Variants in GPHN observed in about 807,000 individuals in gnomAD.
GPHN encodes the protein gephyrin.
In GPHN, 17 loss-of-function variants were observed where a neutral mutation model predicts 95.5. The observed-to-expected ratio is 0.18, with a 90% CI of 0.12 to 0.27. The LOEUF (loss-of-function observed/expected upper bound fraction) is 0.27, where lower values mean the gene tolerates loss of function less well. GPHN is among the 10% of genes least tolerant of loss of function. The pLI is 1.00. For missense variants in GPHN, 660 were observed against 978.1 expected, an observed-to-expected ratio of 0.67 and a Z score of 4.34; for synonymous variants, 320 against 322.5, an observed-to-expected ratio of 0.99 and a Z score of 0.08.
At chr14:66,580,508 A>G (rs544840373) in intron 1 of GPHN, among the ~76,000 whole-genome samples, 1 of 151,830 alleles carries the variant, frequency 6.6e-6, no homozygotes, top group African/African-American at 2.4e-5. Context: ...AAGAGGAGAC[A>G]TTACATCTTA....
At chr14:66,812,617 A>C (rs1310361196) in intron 3 of GPHN, among the ~76,000 whole-genome samples, 1 of 152,206 alleles carries the variant, frequency 6.6e-6, no homozygotes, top group East Asian at 1.9e-4. Flanking sequence ...GAAATTTAAG[A>C]AGTGAAAAAG....
chr14:66,773,871 C>A (rs1457405821), intron 2 of GPHN, among the ~76,000 whole-genome samples: 1 of 151,940 alleles, frequency 6.6e-6, no homozygotes, highest in Non-Finnish European at 1.5e-5. Context: ...TGAACCTAGC[C>A]CTGAAGTCAG....
chr14:66,825,664 A>G (rs376708047), intron 4 of GPHN, among the ~76,000 whole-genome samples: 1 of 149,930 alleles, frequency 6.7e-6, no homozygotes, highest in Non-Finnish European at 1.5e-5. Context: ...TTTAAGAATT[A>G]TTTTTTTTCT....
chr14:66,779,638 A>G (rs2180921), intron 3 of GPHN, among the ~76,000 whole-genome samples: 1,786 of 152,232 alleles, frequency 0.012, 18 homozygotes, highest in Non-Finnish European at 0.018. Context: ...GTAAATCAGC[A>G]AAGTCTTTCC....
chr14:66,759,788 G>A (rs1203397043), intron 2 of GPHN, among the ~76,000 whole-genome samples: 4 of 152,136 alleles, frequency 2.6e-5, no homozygotes, highest in African/African-American at 9.7e-5. Context: ...TGGTTGTTTT[G>A]TAGTTTCCAT....
the GPHN span, among the ~76,000 whole-genome samples, chr14:67,191,789 A>C: frequency 8.5e-5 from 13 of 152,174 alleles, no homozygotes; most frequent in African/African-American, 2.9e-4. Flanking sequence ...TGGTTTTCCT[A>C]CAGAAGAACT....
chr14:66,684,748 CT>C (rs61669892), intron 2 of GPHN, among the ~76,000 whole-genome samples: 42,185 of 146,296 alleles, frequency 0.29, 9,616 homozygotes, highest in African/African-American at 0.64. Context: ...ACTAACTTTT[CT>C]TTTTTTTTTT....
chr14:67,663,246 G>A, the GPHN span: 1 of 1,213,396 alleles, frequency 8.2e-7, no homozygotes, highest in South Asian at 1.3e-5. Context: ...AACTAAAACA[G>A]TATTGTCTTA....
intron 8 of GPHN, among the ~76,000 whole-genome samples, chr14:66,944,154 T>G (rs112741055): frequency 0.015 from 2,303 of 152,342 alleles, 33 homozygotes; most frequent in Non-Finnish European, 0.018. Context: ...TTTTAAGAAT[T>G]TCCTTTTAAC....
At chr14:67,504,003 A>AT in the GPHN span, among the ~76,000 whole-genome samples, 1 of 114,808 alleles carries the variant, frequency 8.7e-6, no homozygotes, top group African/African-American at 3.4e-5. Flanking sequence ...TGCCCAGCCT[A>AT]TTTTTTAATT....
the GPHN span, among the ~76,000 whole-genome samples, chr14:67,520,367 C>G: frequency 6.6e-6 from 1 of 152,238 alleles, no homozygotes; most frequent in Non-Finnish European, 1.5e-5. Context: ...CCCCTGGCAA[C>G]CACTGTTCTT....
intron 18 of GPHN, among the ~76,000 whole-genome samples, chr14:67,145,373 A>G (rs2080841284): frequency 6.6e-6 from 1 of 152,226 alleles, no homozygotes; most frequent in South Asian, 2.1e-4. Flanking sequence ...CTTCTTTATT[A>G]GTGCTAACAA....
In GPHN at chr14:66,969,100, T is replaced by C. The variant is rs538800985; in HGVS notation, c.963+3775T>C. 3.3e-5 allele frequency: 5 copies of C among 152,280 alleles called. 1 individual carries two copies. In the South Asian group the frequency reaches 1.0e-3, roughly 32 times the overall value. The allele number at this position is 152,280 out of a possible 1,614,324, so 9.4% of individuals were successfully genotyped here. Reference sequence around the variant, plus strand: ...CTTTTCTTAACAATTCTTCATAGATTATATTTTCTCCAGCAAATTTGTTTG... The same window carrying C: ...CTTTTCTTAACAATTCTTCATAGATCATATTTTCTCCAGCAAATTTGTTTG... On this transcript the variant is annotated intron_variant, in intron 9 of 22. Transcript: ENST00000478722.
intron 11 of GPHN, among the ~76,000 whole-genome samples, chr14:67,087,984 A>G (rs1430350982): frequency 1.3e-5 from 2 of 152,064 alleles, no homozygotes; most frequent in African/African-American, 2.4e-5. Context: ...TTTTATTCTT[A>G]TTGGCACTAG....
the GPHN span, among the ~76,000 whole-genome samples, chr14:67,430,877 T>C: frequency 5.3e-5 from 8 of 152,168 alleles, no homozygotes; most frequent in Non-Finnish European, 1.0e-4. Context: ...GACTTTGGTA[T>C]GAGCATAAAG....
the GPHN span, among the ~76,000 whole-genome samples, chr14:67,296,457 C>T: frequency 2.6e-5 from 4 of 151,008 alleles, no homozygotes; most frequent in East Asian, 3.9e-4. Flanking sequence ...AAAAATTAGG[C>T]GGGTGTGGTG....
At chr14:67,044,522 G>A (rs1009759882) in intron 10 of GPHN, among the ~76,000 whole-genome samples, 1 of 152,062 alleles carries the variant, frequency 6.6e-6, no homozygotes, top group African/African-American at 2.4e-5. Flanking sequence ...GTTAGCTGGT[G>A]TTTTCTTCTG....
chr14:67,182,095 G>GA (rs1002272169), downstream of GPHN, among the ~76,000 whole-genome samples: 13 of 151,554 alleles, frequency 8.6e-5, no homozygotes, highest in Non-Finnish European at 1.5e-4. Context: ...TAATGACTTA[G>GA]AAAAAAAATA....
chr14:67,587,158 T>G, the GPHN span: 2 of 1,613,914 alleles, frequency 1.2e-6, no homozygotes, highest in Non-Finnish European at 1.7e-6. Flanking sequence ...ACCCGGAGCC[T>G]GCCAGCTGTG....
Sources: gnomAD v4.1 joint callset for allele counts (sites outside exome capture counted in the v4.1 genomes callset) on GRCh38, gnomAD v4.1.1 for gene constraint, MANE v1.5 for transcripts, NCBI Gene and HGNC (gene_info 2026-07-23, HGNC 2026-07-21) for gene names.